CCSER1: variants seen among roughly 807,000 people sequenced by gnomAD.
CCSER1 encodes the protein coiled-coil serine rich protein 1.
In CCSER1, 41 loss-of-function variants were observed where a neutral mutation model predicts 82.0. The observed-to-expected ratio is 0.50, with a 90% CI of 0.39 to 0.65. The LOEUF is 0.65. CCSER1 is among the 30% of genes least tolerant of loss of function. The pLI is 0.00. For synonymous variants in CCSER1, 414 were observed against 383.9 expected (o/e 1.08, Z -0.92); for missense variants, 1,119 against 1,064.2 (o/e 1.05, Z -0.72).
At chr4:91,111,811 GAAAAGAGA>G (rs1726116422) in intron 10 of CCSER1, among the ~76,000 whole-genome samples, 1 of 125,264 alleles carries the variant, frequency 8.0e-6, no homozygotes, top group African/African-American at 3.0e-5. Flanking sequence ...CAGGAGAAAG[GAAAAGAGA>G]AAAAGAGAGA....
chr4:90,546,764 G>A (rs1206016081), intron 5 of CCSER1, among the ~76,000 whole-genome samples: 1 of 151,908 alleles, frequency 6.6e-6, no homozygotes, highest in African/African-American at 2.4e-5. Flanking sequence ...CTAAATATGA[G>A]AATCATCTAC....
intron 6 of CCSER1, among the ~76,000 whole-genome samples, chr4:90,700,390 G>C (rs1454292832): frequency 6.6e-6 from 1 of 152,142 alleles, no homozygotes; most frequent in Non-Finnish European, 1.5e-5. Context: ...GTCTATCATT[G>C]ATGGACATTT....
intron 10 of CCSER1, among the ~76,000 whole-genome samples, chr4:91,123,650 C>T (rs1196424925): frequency 2.0e-5 from 3 of 151,638 alleles, no homozygotes; most frequent in East Asian, 3.9e-4. Flanking sequence ...TATCACTTAC[C>T]GCATTTGTGT....
intron 10 of CCSER1, among the ~76,000 whole-genome samples, chr4:91,375,548 G>A (rs1194036147): frequency 2.0e-5 from 3 of 148,146 alleles, no homozygotes; most frequent in Admixed American, 2.0e-4. Context: ...GACAACTAAA[G>A]CCACTTAAAC....
At chr4:90,363,796 G>C (rs906535909) in intron 3 of CCSER1, among the ~76,000 whole-genome samples, 3 of 151,856 alleles carry the variant, frequency 2.0e-5, no homozygotes, top group African/African-American at 7.3e-5. Context: ...CTCATTATTA[G>C]AGCAGAGCCT....
At position 90,309,050 on chromosome 4, in the gene CCSER1, A is replaced by G. The variant is rs754532149; in HGVS notation, c.766A>G (p.Thr256Ala). 11 of 1,613,852 alleles carry G rather than the reference A, an allele frequency of 6.8e-6. No individual in the cohort carries two copies. Among genetic ancestry groups the G allele is most frequent in the Non-Finnish European group, 9.3e-6 (11 of 1,179,848 alleles). Residue 256 changes from threonine to alanine, a missense_variant, in exon 2 of 11, where the codon ACA (threonine) becomes GCA (alanine). Coordinates refer to ENST00000509176, the MANE Select transcript of CCSER1 (RefSeq NM_001145065.2). ...TTCTGCTGATCTTACCACAGCTCAGACACCTTCAGAATTTTTAGCCTTGAC... is the reference window on the plus strand; with the variant it reads ...TTCTGCTGATCTTACCACAGCTCAGGCACCTTCAGAATTTTTAGCCTTGAC... ...LLSADLTTAQ[T>A]PSEFLALTED...
At chr4:90,861,026 C>T (rs538634683) in intron 8 of CCSER1, among the ~76,000 whole-genome samples, 105 of 151,016 alleles carry the variant, frequency 7.0e-4, no homozygotes, top group African/African-American at 2.3e-3. Context: ...AATTATAACT[C>T]GATAAAACAA....
intron 6 of CCSER1, among the ~76,000 whole-genome samples, chr4:90,716,593 A>C (rs568745362): frequency 6.6e-6 from 1 of 152,110 alleles, no homozygotes; most frequent in African/African-American, 2.4e-5. Context: ...TTTTACTATA[A>C]CTTTTCTATG....
intron 1 of CCSER1, among the ~76,000 whole-genome samples, chr4:90,161,433 T>C (rs1475582975): frequency 6.6e-6 from 1 of 152,160 alleles, no homozygotes; most frequent in East Asian, 1.9e-4. Flanking sequence ...AGAATTTACA[T>C]ATTGTTGATG....
intron 10 of CCSER1, among the ~76,000 whole-genome samples, chr4:91,354,455 G>A (rs1275738466): frequency 6.6e-6 from 1 of 152,162 alleles, no homozygotes; most frequent in Non-Finnish European, 1.5e-5. Flanking sequence ...GGGCCGTCCA[G>A]TCCTGGTGGA....
chr4:91,481,625 G>T (rs563052715), intron 10 of CCSER1, among the ~76,000 whole-genome samples: 3 of 152,236 alleles, frequency 2.0e-5, no homozygotes, highest in Admixed American at 1.3e-4. Context: ...ATAAGATTGG[G>T]CAACACTCTA....
At chr4:90,719,231 G>T (rs1742251146) in intron 6 of CCSER1, among the ~76,000 whole-genome samples, 1 of 152,044 alleles carries the variant, frequency 6.6e-6, no homozygotes, top group Non-Finnish European at 1.5e-5. Flanking sequence ...GCTAACCCTA[G>T]TGTGAACTGC....
chr4:91,367,357 C>T (rs1234720081), intron 10 of CCSER1, among the ~76,000 whole-genome samples: 2 of 143,382 alleles, frequency 1.4e-5, no homozygotes, highest in Non-Finnish European at 3.0e-5. Context: ...ATTAAATATA[C>T]ATATTAATTG....
intron 10 of CCSER1, among the ~76,000 whole-genome samples, chr4:91,118,284 CT>C (rs1251894474): frequency 0.013 from 1,627 of 123,218 alleles, 19 homozygotes; most frequent in African/African-American, 0.04. Flanking sequence ...GTTATGGAGA[CT>C]TTTTTTTTTT....
At chr4:91,033,998 A>G (rs541636426) in intron 9 of CCSER1, among the ~76,000 whole-genome samples, 1 of 152,292 alleles carries the variant, frequency 6.6e-6, no homozygotes, top group South Asian at 2.1e-4. Flanking sequence ...ATCAAAGAGG[A>G]AGCACCCTTT....
intron 10 of CCSER1, among the ~76,000 whole-genome samples, chr4:91,301,466 A>C (rs1044963648): frequency 6.6e-6 from 1 of 151,390 alleles, no homozygotes; most frequent in Non-Finnish European, 1.5e-5. Flanking sequence ...TATACAAAGT[A>C]AATTGTTTCT....
intron 5 of CCSER1, among the ~76,000 whole-genome samples, chr4:90,537,815 A>G (rs868430655): frequency 1.3e-5 from 2 of 152,150 alleles, no homozygotes; most frequent in South Asian, 2.1e-4. Flanking sequence ...TAGTGGGGAA[A>G]GGATTGTTAA....
chr4:90,622,506 A>C (rs1382096246), intron 5 of CCSER1, among the ~76,000 whole-genome samples: 1 of 152,088 alleles, frequency 6.6e-6, no homozygotes, highest in Non-Finnish European at 1.5e-5. Flanking sequence ...CCTATGAGTG[A>C]GAACATGCGG....
intron 10 of CCSER1, among the ~76,000 whole-genome samples, chr4:91,490,803 A>G (rs1382088718): frequency 2.9e-5 from 4 of 137,456 alleles, no homozygotes; most frequent in African/African-American, 8.1e-5. Flanking sequence ...GCTTGAGGTA[A>G]TAGATACCCC....
Sources: allele counts gnomAD v4.1 joint callset (sites outside exome capture counted in the v4.1 genomes callset), GRCh38; gene constraint gnomAD v4.1.1; transcripts MANE v1.5; gene names NCBI Gene and HGNC (gene_info 2026-07-23, HGNC 2026-07-21).